Variants in SPTLC2 observed in about 807,000 individuals in gnomAD.
The protein encoded by SPTLC2 is serine palmitoyltransferase 2.
In SPTLC2, 21 loss-of-function variants were observed where a neutral mutation model predicts 62.0. That is an observed-to-expected ratio of 0.34 (90% confidence interval 0.24 to 0.49). SPTLC2 has a LOEUF of 0.49. SPTLC2 is among the 20% of genes least tolerant of loss of function. The pLI is 0.99. For missense variants in SPTLC2, 511 were observed against 713.0 expected, an observed-to-expected ratio of 0.72 and a Z score of 3.23; for synonymous variants, 261 against 261.8, an observed-to-expected ratio of 1.00 and a Z score of 0.03.
chr14:77,531,441 CTT>C, intron 9 of SPTLC2, among the ~76,000 whole-genome samples: 1 of 137,488 alleles, frequency 7.3e-6, no homozygotes, highest in Non-Finnish European at 1.5e-5. Flanking sequence ...TCTTCTTCTT[CTT>C]CTCCTCCTTC....
chr14:77,587,121 G>T (rs1200076188), intron 2 of SPTLC2, among the ~76,000 whole-genome samples: 3 of 152,038 alleles, frequency 2.0e-5, no homozygotes, highest in Non-Finnish European at 4.4e-5. Context: ...CCAGCTACTC[G>T]GGAGGCTGAG....
At chr14:77,588,569 G>A (rs1220791130) in intron 2 of SPTLC2, among the ~76,000 whole-genome samples, 8 of 151,842 alleles carry the variant, frequency 5.3e-5, no homozygotes, top group South Asian at 2.1e-4. Context: ...GGTAGCGTGC[G>A]CCTCTAGTCC....
chr14:77,557,318 A>G, intron 6 of SPTLC2, 172 bp from the exon 7 acceptor site: 1 of 618,076 alleles, frequency 1.6e-6, no homozygotes. Flanking sequence ...GCCACCTTGA[A>G]TTGAAATCCA....
intron 10 of SPTLC2, among the ~76,000 whole-genome samples, chr14:77,518,718 AT>A (rs1240401840): frequency 6.6e-6 from 1 of 152,146 alleles, no homozygotes; most frequent in African/African-American, 2.4e-5. Flanking sequence ...TAATCCGCAA[AT>A]TCTGAGGATT....
chr14:77,516,920 A>ACC (rs2079362104), intron 11 of SPTLC2, among the ~76,000 whole-genome samples: 1 of 152,264 alleles, frequency 6.6e-6, no homozygotes. Context: ...GTTATAATTA[A>ACC]CTTTTATAAA....
In SPTLC2 at chr14:77,508,288, A is replaced by T. The variant is rs565893217; in HGVS notation, c.*3996T>A. 2 of 152,100 alleles carry T rather than the reference A, an allele frequency of 1.3e-5. No homozygotes were observed. Among genetic ancestry groups the T allele is most frequent in the Admixed American group, 1.3e-4 (2 of 15,266 alleles). 9.4% of individuals were successfully genotyped at this position (152,100 alleles called of 1,614,324 possible). A position where few individuals can be genotyped will look rare whatever the true frequency, so the allele number is the denominator to read the frequency against. On this transcript the variant is annotated 3_prime_UTR_variant, in exon 12 of 12. Transcript: ENST00000216484. ...AGTTTGAAGGAAAACCACTACTCTC[A>T]CCTCTTTTTCTAAGCACACGGTTAT...
chr14:77,602,805 C>T lies in SPTLC2; in HGVS notation c.133-5425G>A, dbSNP rs117907422. Among the ~76,000 whole-genome samples the T allele has an allele frequency of 8.7e-3, 1,332 of 152,274 alleles. 9 individuals are homozygous for T. Among genetic ancestry groups the T allele is most frequent in the Non-Finnish European group, 0.012 (797 of 68,022 alleles). ...CCCAGGCTGGTCTCAAACTCCTGGGCTCAAGCTATCCTCCTGCCTTGGTCT... is the reference window on the plus strand; with the variant it reads ...CCCAGGCTGGTCTCAAACTCCTGGGTTCAAGCTATCCTCCTGCCTTGGTCT... On this transcript the variant is annotated intron_variant, in intron 1 of 11. Transcript: ENST00000216484.
intron 7 of SPTLC2, among the ~76,000 whole-genome samples, chr14:77,556,486 C>CA (rs1566778984): frequency 1.5e-5 from 2 of 131,900 alleles, no homozygotes; most frequent in East Asian, 4.4e-4. Flanking sequence ...CACAAAAGAA[C>CA]AAAAAAAATT....
At chr14:77,595,026 A>C (rs1038839201) in intron 2 of SPTLC2, among the ~76,000 whole-genome samples, 9 of 152,094 alleles carry the variant, frequency 5.9e-5, no homozygotes, top group Non-Finnish European at 8.8e-5. Context: ...CTGTAGATGC[A>C]CTCTGAGTGG....
In SPTLC2 at chr14:77,579,070, T is replaced by A; in HGVS notation, c.367A>T (p.Thr123Ser). ...SLYQDFENFY[T>S]RNLYMRIRDN... ...CTTATCCTCATGTACAGATTCCTTGTATAAAAGTTTTCAAAATCTTGATAC... is the reference window on the plus strand; with the variant it reads ...CTTATCCTCATGTACAGATTCCTTGAATAAAAGTTTTCAAAATCTTGATAC... Residue 123 changes from threonine (T) to serine (S), a missense_variant, in exon 3 of 12, where the codon ACA (threonine) becomes TCA (serine). Thr to Ser is a moderately conservative substitution (Grantham distance 58). Coordinates refer to ENST00000216484, the MANE Select transcript of SPTLC2 (RefSeq NM_004863.4). 1 of 1,614,154 alleles carries A rather than the reference T, an allele frequency of 6.2e-7. No homozygotes were observed. The highest frequency in any genetic ancestry group is 8.5e-7 in the Non-Finnish European group (1 of 1,180,022).
intron 2 of SPTLC2, among the ~76,000 whole-genome samples, chr14:77,581,298 A>G (rs1461066454): frequency 6.6e-6 from 1 of 151,682 alleles, no homozygotes; most frequent in Non-Finnish European, 1.5e-5. Context: ...ATGACACCGG[A>G]CTCTCAAGTG....
chr14:77,583,242 A>T (rs564823239), intron 2 of SPTLC2, among the ~76,000 whole-genome samples: 7 of 103,896 alleles, frequency 6.7e-5, no homozygotes, highest in Admixed American at 1.1e-4. Flanking sequence ...AATAAATAAA[A>T]ATAATAATTT....
intron 2 of SPTLC2, among the ~76,000 whole-genome samples, chr14:77,592,039 A>C (rs947460027): frequency 2.0e-5 from 3 of 151,876 alleles, no homozygotes; most frequent in Non-Finnish European, 4.4e-5. Flanking sequence ...TGTTCTTTTT[A>C]AATGTAGAAT....
chr14:77,550,008 A>G (rs915831862), intron 9 of SPTLC2, among the ~76,000 whole-genome samples: 2 of 152,224 alleles, frequency 1.3e-5, no homozygotes, highest in African/African-American at 2.4e-5. Flanking sequence ...TGCTAGCTGT[A>G]TGTATATATA....
chr14:77,564,291 AGGAAGAGGAG>A, intron 5 of SPTLC2, among the ~76,000 whole-genome samples: 1 of 80,308 alleles, frequency 1.2e-5, no homozygotes, highest in Admixed American at 1.3e-4. Flanking sequence ...GAGGAAAAGG[AGGAAGAGGAG>A]GAGAAGGAGG....
intron 4 of SPTLC2, among the ~76,000 whole-genome samples, chr14:77,573,350 T>C (rs921360481): frequency 1.1e-4 from 17 of 152,116 alleles, no homozygotes; most frequent in Admixed American, 4.6e-4. Flanking sequence ...GATCCCAACA[T>C]ATAGAAATAA....
At chr14:77,534,232 A>C (rs773744110) in intron 9 of SPTLC2, among the ~76,000 whole-genome samples, 4 of 151,252 alleles carry the variant, frequency 2.6e-5, no homozygotes, top group Non-Finnish European at 5.9e-5. Context: ...ATGCATATCT[A>C]TAAAAAGTCT....
At chr14:77,520,498 A>G (rs1183456133) in intron 10 of SPTLC2, among the ~76,000 whole-genome samples, 1 of 152,234 alleles carries the variant, frequency 6.6e-6, no homozygotes, top group African/African-American at 2.4e-5. Context: ...ATCAAACTGG[A>G]GAAATGCTTT....
chr14:77,611,704 T>C (rs1445151772), intron 1 of SPTLC2, among the ~76,000 whole-genome samples: 2 of 151,778 alleles, frequency 1.3e-5, no homozygotes, highest in Non-Finnish European at 2.9e-5. Context: ...CGCATGCCTG[T>C]AATCCCAGCT....
Sources: gnomAD v4.1 joint callset for allele counts (sites outside exome capture counted in the v4.1 genomes callset) on GRCh38, gnomAD v4.1.1 for gene constraint, MANE v1.5 for transcripts, NCBI Gene and HGNC (gene_info 2026-07-23, HGNC 2026-07-21) for gene names.